The following TMEM132B variants were observed in gnomAD, a reference collection of about 807,000 sequenced individuals.
The protein encoded by TMEM132B is transmembrane protein 132B.
In TMEM132B, 18 loss-of-function variants were observed where a neutral mutation model predicts 90.8. That is an observed-to-expected ratio of 0.20 (90% CI 0.14 to 0.29). The LOEUF (loss-of-function observed/expected upper bound fraction) is 0.29, where lower values mean the gene tolerates loss of function less well. TMEM132B is among the 10% of genes least tolerant of loss of function. TMEM132B has a pLI of 1.00. For synonymous variants in TMEM132B, 504 were observed against 523.3 expected (o/e 0.96, Z 0.50); for missense variants, 1,096 against 1,326.8 (o/e 0.83, Z 2.70).
At chr12:125,569,000 G>A (rs955814323) in intron 4 of TMEM132B, among the ~76,000 whole-genome samples, 5 of 152,140 alleles carry the variant, frequency 3.3e-5, no homozygotes, top group South Asian at 2.1e-4. Context: ...TTTGGGGTTG[G>A]GCGAGTCCCA....
At chr12:125,393,963 G>A (rs1879100809) in intron 2 of TMEM132B, among the ~76,000 whole-genome samples, 1 of 152,212 alleles carries the variant, frequency 6.6e-6, no homozygotes, top group Non-Finnish European at 1.5e-5. Flanking sequence ...GAGCCTCTGA[G>A]TAATGCTGTT....
At chr12:125,523,469 G>A (rs865876) in intron 4 of TMEM132B, among the ~76,000 whole-genome samples, 23,887 of 151,962 alleles carry the variant, frequency 0.16, 2,505 homozygotes, top group East Asian at 0.48. Flanking sequence ...GGGGCCCACC[G>A]AGATAATTCA....
At chr12:125,508,255 A>T (rs1882894971) in intron 3 of TMEM132B, among the ~76,000 whole-genome samples, 1 of 152,190 alleles carries the variant, frequency 6.6e-6, no homozygotes, top group Non-Finnish European at 1.5e-5. Context: ...CTCTAGGTGA[A>T]TGTGAGCACT....
At chr12:125,551,163 G>A (rs1342950860) in intron 4 of TMEM132B, among the ~76,000 whole-genome samples, 4 of 152,178 alleles carry the variant, frequency 2.6e-5, no homozygotes, top group Non-Finnish European at 5.9e-5. Context: ...CAGATGTTGA[G>A]TTACTCTGGT....
In TMEM132B at chr12:125,435,468, C is replaced by T. The variant is rs144507188; in HGVS notation, c.1106+19791C>T. 3.6e-3 allele frequency among the ~76,000 whole-genome samples: 545 copies of T among 152,232 alleles called. 2 individuals carry two copies. The highest frequency in any genetic ancestry group is 0.011 in the African/African-American group (459 of 41,542). On this transcript the variant is annotated intron_variant, in intron 3 of 8. Transcript: ENST00000682704. Reference sequence around the variant, plus strand: ...AGGGGTTAGACACATCCTCCCTGGTCGCCAAGCAAGGACATACCAGCCCCA... The same window carrying T: ...AGGGGTTAGACACATCCTCCCTGGTTGCCAAGCAAGGACATACCAGCCCCA...
chr12:125,504,328 A>G (rs1882775151), intron 3 of TMEM132B, among the ~76,000 whole-genome samples: 1 of 151,964 alleles, frequency 6.6e-6, no homozygotes, highest in African/African-American at 2.4e-5. Flanking sequence ...TTCTGTTTGG[A>G]TTTGTTTTTT....
At chr12:125,593,597 C>A (rs1278888948) in intron 5 of TMEM132B, among the ~76,000 whole-genome samples, 2 of 152,114 alleles carry the variant, frequency 1.3e-5, no homozygotes, top group African/African-American at 4.8e-5. Flanking sequence ...TCCAATATGG[C>A]TCTAGGGTCC....
intron 1 of TMEM132B, among the ~76,000 whole-genome samples, chr12:125,255,356 G>A (rs1268545923): frequency 6.6e-6 from 1 of 152,012 alleles, no homozygotes; most frequent in Non-Finnish European, 1.5e-5. Context: ...AGGGGGTGGG[G>A]GTTGTAGAGC....
intron 1 of TMEM132B, among the ~76,000 whole-genome samples, chr12:125,272,209 C>T (rs931083954): frequency 2.0e-5 from 3 of 152,196 alleles, no homozygotes; most frequent in Non-Finnish European, 2.9e-5. Flanking sequence ...TTTTGTAAAT[C>T]ATCTTCCACA....
intron 1 of TMEM132B, among the ~76,000 whole-genome samples, chr12:125,199,573 G>T (rs944343851): frequency 1.3e-5 from 2 of 152,160 alleles, no homozygotes; most frequent in South Asian, 4.1e-4. Context: ...GTTCAGATTG[G>T]GTTCATCAGT....
At chr12:125,651,764 T>G (rs527578712) in intron 7 of TMEM132B, among the ~76,000 whole-genome samples, 1 of 152,098 alleles carries the variant, frequency 6.6e-6, no homozygotes, top group South Asian at 2.1e-4. Flanking sequence ...TATCTGGGAG[T>G]TTGGGGAAAG....
At chr12:125,280,233 G>A (rs1367312979) in intron 1 of TMEM132B, among the ~76,000 whole-genome samples, 1 of 152,196 alleles carries the variant, frequency 6.6e-6, no homozygotes, top group African/African-American at 2.4e-5. Context: ...GATATTAAAT[G>A]TTCCCAACAC....
At chr12:125,235,961 G>C (rs1873926738) in intron 1 of TMEM132B, among the ~76,000 whole-genome samples, 1 of 151,546 alleles carries the variant, frequency 6.6e-6, no homozygotes, top group East Asian at 1.9e-4. Context: ...CCACCACCAT[G>C]CCCGATTAAT....
At chr12:125,394,044 A>T (rs772765939) in intron 2 of TMEM132B, among the ~76,000 whole-genome samples, 1 of 152,240 alleles carries the variant, frequency 6.6e-6, no homozygotes, top group Admixed American at 6.5e-5. Context: ...AGGGGCAAAC[A>T]GAGAACAACC....
At chr12:125,276,427 C>G (rs1874991871) in intron 1 of TMEM132B, among the ~76,000 whole-genome samples, 1 of 152,170 alleles carries the variant, frequency 6.6e-6, no homozygotes, top group Non-Finnish European at 1.5e-5. Flanking sequence ...AACAAAGCCA[C>G]CAGGTGAAAG....
At chr12:125,617,560 G>T (rs945949619) in intron 5 of TMEM132B, among the ~76,000 whole-genome samples, 4 of 151,888 alleles carry the variant, frequency 2.6e-5, no homozygotes, top group Non-Finnish European at 4.4e-5. Flanking sequence ...GATCAAGCTG[G>T]TCTCAAACTC....
chr12:125,578,643 T>C (rs1884986581), intron 4 of TMEM132B, among the ~76,000 whole-genome samples: 1 of 152,188 alleles, frequency 6.6e-6, no homozygotes, highest in African/African-American at 2.4e-5. Flanking sequence ...AGTGAAGAAC[T>C]CTCTCACTTT....
intron 1 of TMEM132B, among the ~76,000 whole-genome samples, chr12:125,201,973 G>A (rs749683843): frequency 6.6e-6 from 1 of 152,190 alleles, no homozygotes; most frequent in Non-Finnish European, 1.5e-5. Context: ...TCACCCTGGT[G>A]TCACACCCTC....
intron 3 of TMEM132B, among the ~76,000 whole-genome samples, chr12:125,511,720 C>T (rs111332954): frequency 0.012 from 1,819 of 151,778 alleles, 11 homozygotes; most frequent in Middle Eastern, 0.034. Flanking sequence ...GGTGTGGTGG[C>T]GGGCGCCTGT....
Sources: allele counts gnomAD v4.1 joint callset (sites outside exome capture counted in the v4.1 genomes callset), GRCh38; gene constraint gnomAD v4.1.1; transcripts MANE v1.5; gene names NCBI Gene and HGNC (gene_info 2026-07-23, HGNC 2026-07-21).